The following NOL6 variants were observed in gnomAD, a reference collection of about 807,000 sequenced individuals.
The protein encoded by NOL6 is nucleolar RNA-associated protein.
Under a neutral mutation model 131.7 loss-of-function variants are expected in NOL6, and 33 were observed. The ratio of observed to expected loss-of-function variants is 0.25; its 90% confidence interval spans 0.19 to 0.33. The LOEUF is 0.33. Ranked by LOEUF, NOL6 falls within the 10% of genes least tolerant of loss-of-function variation. The pLI is 1.00. For missense variants in NOL6, 1,297 were observed against 1,494.5 expected, an observed-to-expected ratio of 0.87 and a Z score of 2.18; for synonymous variants, 580 against 605.7, an observed-to-expected ratio of 0.96 and a Z score of 0.62.
intron 18 of NOL6, 77 bp from the exon 19 acceptor site, chr9:33,465,974 T>C: frequency 6.4e-7 from 1 of 1,573,462 alleles, no homozygotes; most frequent in Non-Finnish European, 8.7e-7. Flanking sequence ...TACAGCCCTA[T>C]TACCCAGCGT....
chr9:33,472,123 G>A lies in NOL6; in HGVS notation c.262-3C>T. 2.5e-6 allele frequency: 4 copies of A among 1,612,930 alleles called. No individual in the cohort carries two copies. The highest frequency in any genetic ancestry group is 2.5e-6 in the Non-Finnish European group (3 of 1,178,856). On this transcript the variant is annotated splice_region_variant and splice_polypyrimidine_tract_variant and intron_variant, in intron 2 of 25. Transcript: ENST00000297990. The stretch of plus-strand genomic sequence containing the variant: ...ACTTCCTTTAGTAGCTCCTCTACCT[G>A]TAAGAGAGGGTAGAAGACAGTCCAT...
Position 33,462,090 on chromosome 9 carries a change from T to C in NOL6, c.*574A>G. The C allele has an allele frequency of 1.4e-6, 1 of 714,428 alleles. No individual in the cohort carries two copies. Among genetic ancestry groups the C allele is most frequent in the South Asian group, 1.5e-5 (1 of 67,456 alleles). The allele number at this position is 714,428 out of a possible 1,614,324, so 44.3% of individuals were successfully genotyped here. ...TTTCCACTGTCTCCACCCTGGGAAG[T>C]GGCATCAACACAGGAGGGCATTGTG... On this transcript the variant is annotated 3_prime_UTR_variant, in exon 26 of 26. Coordinates refer to ENST00000297990, the MANE Select transcript of NOL6 (RefSeq NM_022917.5).
chr9:33,468,478 T>C, intron 9 of NOL6, 30 bp downstream of exon 9: 1 of 1,613,876 alleles, frequency 6.2e-7, no homozygotes, highest in Non-Finnish European at 8.5e-7. Flanking sequence ...GCAGGCCTCC[T>C]GGCATAGACC....
chr9:33,468,545 T>C lies in NOL6; in HGVS notation c.1169A>G (p.Asn390Ser). Residue 390 changes from asparagine (N) to serine (S), a missense_variant, in exon 9 of 26, where the codon AAC becomes AGC. Physicochemically the swap from Asn to Ser is conservative, Grantham distance 46. Transcript: ENST00000297990. ...TGAGCTGAGACATAAACTGATCCCG[T>C]TGACTGTCAGGTCTGTAGTGGCTGA... is the stretch of plus-strand genomic sequence containing the variant. Reference protein sequence around the residue: ...QFLATTDLTVNGISLCLSSDP... With the variant: ...QFLATTDLTVSGISLCLSSDP... 6.2e-7 allele frequency: 1 copy of C among 1,614,184 alleles called. No homozygotes were observed. Among genetic ancestry groups the C allele is most frequent in the Non-Finnish European group, 8.5e-7 (1 of 1,180,028 alleles).
chr9:33,473,884 G>A lies in NOL6; in HGVS notation c.-42C>T. ...CTCTCCCGCACTTCAGATTCTAGCC[G>A]GGTCTATACCTCATAGCTTCCCACG... On this transcript the variant is annotated 5_prime_UTR_variant, in exon 1 of 26. Transcript: ENST00000297990. 1 of 1,607,016 alleles carries A rather than the reference G, an allele frequency of 6.2e-7. No individual in the cohort carries two copies. Among genetic ancestry groups the A allele is most frequent in the Non-Finnish European group, 8.5e-7 (1 of 1,178,924 alleles).
chr9:33,470,014 T>G lies in NOL6; in HGVS notation c.556A>C (p.Arg186=). Reference sequence around the variant, plus strand: ...ATCCCCTAAACCCTGGACCTTACCCTGGGCATGGTCAGTGCCACATCCACA... The same window carrying G: ...ATCCCCTAAACCCTGGACCTTACCCGGGGCATGGTCAGTGCCACATCCACA... ...INVDVALTMP[R]EILQDKDGLN... The change falls in exon 4 of 26, where the codon AGG becomes CGG. Residue 186 remains arginine (R), a splice_region_variant and synonymous_variant. Coordinates refer to ENST00000297990, the MANE Select transcript of NOL6 (RefSeq NM_022917.5). 2 of 1,584,092 alleles carry G rather than the reference T, an allele frequency of 1.3e-6. No individual in the cohort carries two copies. Among genetic ancestry groups the G allele is most frequent in the East Asian group, 2.3e-5 (1 of 43,972 alleles).
intron 21 of NOL6, 62 bp downstream of exon 21, chr9:33,464,817 C>T: frequency 8.1e-7 from 1 of 1,239,992 alleles, no homozygotes; most frequent in Non-Finnish European, 1.2e-6. Flanking sequence ...CCAGGGAAAC[C>T]CTTGCCTGCA....
rs779872242 is a variant in NOL6 at position 33,462,255 on chromosome 9, C to T, written c.*409G>A. On this transcript the variant is annotated 3_prime_UTR_variant, in exon 26 of 26. Transcript: ENST00000297990. ...CAGTGAAGGGCATGCTAAGTCTAGGCACAGGTCCTGGCAGCAGGAAGGAGA... is the reference window on the plus strand; with the variant it reads ...CAGTGAAGGGCATGCTAAGTCTAGGTACAGGTCCTGGCAGCAGGAAGGAGA... The T allele has an allele frequency of 5.6e-6, 4 of 716,260 alleles. No homozygotes were observed. The highest frequency in any genetic ancestry group is 4.4e-5 in the South Asian group (3 of 67,518). 44.4% of individuals were successfully genotyped at this position (716,260 alleles called of 1,614,324 possible). A position where few individuals can be genotyped will look rare whatever the true frequency, so the allele number is the denominator to read the frequency against.
rs757653582 is a variant in NOL6 at position 33,467,300 on chromosome 9, A to T, written c.1726-38T>A. ...GGGTGGTAGTAGAGCTGGGGAAGGA[A>T]GGGCTCTGTGGACCCTCCCCAACAA... On this transcript the variant is annotated intron_variant, in intron 13 of 25. Transcript: ENST00000297990. This position sits in a 1 kb window ranked among gnomAD's most constrained non-coding sequence, Gnocchi z 4.4. The T allele has an allele frequency of 9.9e-6, 16 of 1,611,682 alleles. No homozygotes were observed. Among genetic ancestry groups the T allele is most frequent in the Non-Finnish European group, 1.3e-5 (15 of 1,178,014 alleles).
rs770171667 is a variant in NOL6 at position 33,464,137 on chromosome 9, C to G, written c.2804G>C (p.Ser935Thr). Residue 935 changes from serine (S) to threonine (T), a missense_variant, in exon 22 of 26, where the codon AGT (serine) becomes ACT (threonine). Coordinates refer to ENST00000297990, the MANE Select transcript of NOL6 (RefSeq NM_022917.5). ...CTGTGCCCGAGCTGCCAGGAAGCCA[C>G]TGCGGATCTCCACCTGCTCCTCCAC... ...LTVEEQVEIR[S>T]GFLAARAQLP... 2 of 1,611,080 alleles carry G rather than the reference C, an allele frequency of 1.2e-6. No individual in the cohort carries two copies. Among genetic ancestry groups the G allele is most frequent in the Non-Finnish European group, 1.7e-6 (2 of 1,178,462 alleles).
chr9:33,468,699 A>T, intron 8 of NOL6, 53 bp downstream of exon 8: 1 of 1,612,306 alleles, frequency 6.2e-7, no homozygotes. Flanking sequence ...CTGGGATGAG[A>T]GGATTCCCAG....
chr9:33,468,289 C>A, intron 10 of NOL6, 32 bp downstream of exon 10: 1 of 1,611,302 alleles, frequency 6.2e-7, no homozygotes, highest in Non-Finnish European at 8.5e-7. Context: ...GCTGAGACAT[C>A]AGGGGAACAC....
intron 1 of NOL6, among the ~76,000 whole-genome samples, chr9:33,472,968 CAAAAAA>C (rs398040337): frequency 1.4e-4 from 10 of 70,934 alleles, no homozygotes; most frequent in Non-Finnish European, 2.3e-4. Context: ...GCAAGACTGT[CAAAAAA>C]AAAAAAAAAA....
chr9:33,473,634 G>A (rs1179361559), intron 1 of NOL6, among the ~76,000 whole-genome samples, 155 bp downstream of exon 1: 2 of 152,210 alleles, frequency 1.3e-5, no homozygotes, highest in Non-Finnish European at 2.9e-5. Context: ...ATCACCCCTA[G>A]CAAGCCCTGT....
Position 33,469,077 on chromosome 9 carries a change from G to C in NOL6, c.907C>G (p.Gln303Glu). The C allele has an allele frequency of 6.2e-7, 1 of 1,614,222 alleles. No individual in the cohort carries two copies. Among genetic ancestry groups the C allele is most frequent in the Non-Finnish European group, 8.5e-7 (1 of 1,180,036 alleles). ...AAATGGGACTCGAGAACTGTATCTT[G>C]CAGGACCCATGTGTTATAGCGGGGG... ...PTPRYNTWVL[Q>E]DTVLESHLQL... The change falls in exon 7 of 26, where the codon CAA becomes GAA. Residue 303 changes from glutamine (Q) to glutamate (E), a missense_variant. Physicochemically the swap from Gln to Glu is conservative, Grantham distance 29 (BLOSUM62 2). Transcript: ENST00000297990.
At chr9:33,462,926 C>T (rs757513211) in intron 25 of NOL6, 107 bp downstream of exon 25, 46 of 1,541,860 alleles carry the variant, frequency 3.0e-5, no homozygotes, top group Middle Eastern at 1.7e-4. Flanking sequence ...CCATACACTC[C>T]GCACCTGACA....
intron 1 of NOL6, 99 bp from the exon 2 acceptor site, chr9:33,472,511 G>T: frequency 1.1e-6 from 1 of 892,988 alleles, no homozygotes; most frequent in Non-Finnish European, 1.8e-6. Flanking sequence ...AGCTTCACCT[G>T]CTCTGTCCCT....
Position 33,465,241 on chromosome 9 carries a change from G to C in NOL6, c.2647C>G (p.Leu883Val). The change falls in exon 20 of 26, where the codon CTT becomes GTT. Residue 883 changes from leucine to valine, a missense_variant. By Grantham distance (32) the Leu-to-Val change is conservative. Coordinates refer to ENST00000297990, the MANE Select transcript of NOL6 (RefSeq NM_022917.5). ...DESLDLVAAA[L>V]FLHPEPFTPP... ...GTGAAGGGCTCAGGGTGCAGGAAAA[G>C]GGCAGCGGCCACCAGATCCAGGCTC... is the stretch of plus-strand genomic sequence containing the variant. The C allele has an allele frequency of 6.3e-7, 1 of 1,598,422 alleles. No homozygotes were observed. Among genetic ancestry groups the C allele is most frequent in the Non-Finnish European group, 8.5e-7 (1 of 1,172,156 alleles).
intron 3 of NOL6, 26 bp from the exon 4 acceptor site, chr9:33,470,217 T>C (rs1320538361): frequency 6.6e-6 from 10 of 1,513,698 alleles, no homozygotes; most frequent in Non-Finnish European, 8.9e-6. Flanking sequence ...CAGGGACACA[T>C]ACTGATTCAA....
Sources: gnomAD v4.1 joint callset for allele counts (sites outside exome capture counted in the v4.1 genomes callset) on GRCh38, gnomAD v4.1.1 for gene constraint, Gnocchi (gnomAD v3.1) non-coding constraint, MANE v1.5 for transcripts, NCBI Gene and HGNC (gene_info 2026-07-23, HGNC 2026-07-21) for gene names.